Variants in RBPJ observed in about 807,000 individuals in gnomAD.
RBPJ encodes the protein recombining binding protein suppressor of hairless.
RBPJ carries 9 observed loss-of-function variants against 67.8 expected under a neutral mutation model. That is an observed-to-expected ratio of 0.13 (90% CI 0.08 to 0.23). The LOEUF (loss-of-function observed/expected upper bound fraction) is 0.23. RBPJ is among the 10% of genes least tolerant of loss of function. The pLI, the probability that RBPJ is intolerant of heterozygous loss-of-function variation, is 1.00. For missense variants in RBPJ, 305 were observed against 595.6 expected, an observed-to-expected ratio of 0.51 and a Z score of 5.08; for synonymous variants, 198 against 203.3, an observed-to-expected ratio of 0.97 and a Z score of 0.22.
chr4:26,387,355 A>G (rs1234618618), intron 2 of RBPJ, among the ~76,000 whole-genome samples: 1 of 152,178 alleles, frequency 6.6e-6, no homozygotes, highest in Non-Finnish European at 1.5e-5. Context: ...TGTATAATAA[A>G]ACAACAGCTT....
intron 1 of RBPJ, among the ~76,000 whole-genome samples, chr4:26,205,826 C>T (rs935921834): frequency 6.6e-6 from 1 of 151,876 alleles, no homozygotes. Context: ...CTCCTGACCT[C>T]AAGTGATCTG....
At chr4:26,122,919 A>G in the RBPJ span, among the ~76,000 whole-genome samples, 1 of 152,224 alleles carries the variant, frequency 6.6e-6, no homozygotes, top group African/African-American at 2.4e-5. Flanking sequence ...AGATTTGGCC[A>G]TAGTCGGCCG....
intron 1 of RBPJ, among the ~76,000 whole-genome samples, chr4:26,361,592 A>G (rs1040523328): frequency 1.3e-5 from 2 of 151,994 alleles, no homozygotes; most frequent in African/African-American, 4.8e-5. Context: ...GCTTGCGTGT[A>G]TTAAAAATTT....
chr4:26,213,060 A>G (rs1031359692), intron 1 of RBPJ, among the ~76,000 whole-genome samples: 1 of 152,176 alleles, frequency 6.6e-6, no homozygotes, highest in Admixed American at 6.5e-5. Context: ...TATCCTTTAA[A>G]ATGTCCTTTA....
chr4:26,173,764 G>A (rs1195841793), intron 1 of RBPJ, among the ~76,000 whole-genome samples: 1 of 152,214 alleles, frequency 6.6e-6, no homozygotes, highest in East Asian at 1.9e-4. Context: ...AATACAACAT[G>A]TGTATACTCT....
intron 1 of RBPJ, among the ~76,000 whole-genome samples, chr4:26,218,689 G>A (rs1006523174): frequency 2.0e-5 from 3 of 152,186 alleles, no homozygotes; most frequent in African/African-American, 7.2e-5. Context: ...CCTCGCCACT[G>A]TGGTCCCCAG....
In RBPJ at chr4:26,430,576, G is replaced by A; in HGVS notation, c.1148+54G>A. 1 of 1,529,650 alleles carries A rather than the reference G, an allele frequency of 6.5e-7. No individual in the cohort carries two copies. The highest frequency in any genetic ancestry group is 8.9e-7 in the Non-Finnish European group (1 of 1,120,474). 94.8% of individuals were successfully genotyped at this position (1,529,650 alleles called of 1,614,324 possible). A position where few individuals can be genotyped will look rare whatever the true frequency, so the allele number is the denominator to read the frequency against. On this transcript the variant is annotated intron_variant, in intron 10 of 10. Transcript: ENST00000355476. The surrounding 1 kb of genome is among the most constrained non-coding windows in gnomAD (Gnocchi z 4.1). ...AGAGGTTGTGAGGGGTGTGGGTACA[G>A]GAGATTCTTTCCTGGCACTGATTGT...
the RBPJ span, among the ~76,000 whole-genome samples, chr4:26,125,585 G>A: frequency 2.0e-5 from 3 of 152,098 alleles, no homozygotes; most frequent in African/African-American, 7.2e-5. Flanking sequence ...GATCACTTGA[G>A]GTCAGGAGTT....
At position 26,429,361 on chromosome 4, in the gene RBPJ, T is replaced by C. The variant is rs141251824; in HGVS notation, c.888+501T>C. Among the ~76,000 whole-genome samples the C allele has an allele frequency of 3.2e-3, 486 of 152,366 alleles. 2 individuals are homozygous for C. Among genetic ancestry groups the C allele is most frequent in the Non-Finnish European group, 5.4e-3 (370 of 68,028 alleles). ...GGCAGATGATTTAATAAGACAGTTA[T>C]GGTTTCATGTGAAACTCCTTTGCAG... On this transcript the variant is annotated intron_variant, in intron 8 of 10. Coordinates refer to ENST00000355476, the MANE Select transcript of RBPJ (RefSeq NM_015874.6).
chr4:26,110,844 G>A, the RBPJ span, among the ~76,000 whole-genome samples: 1,445 of 152,274 alleles, frequency 9.5e-3, 26 homozygotes, highest in African/African-American at 0.033. This position sits in a 1 kb window ranked among gnomAD's most constrained non-coding sequence, Gnocchi z 4.5. Context: ...GTGGAGGGCC[G>A]GCATCAGCTG....
At chr4:26,387,159 A>G (rs1038533634) in intron 2 of RBPJ, among the ~76,000 whole-genome samples, 1 of 152,108 alleles carries the variant, frequency 6.6e-6, no homozygotes, top group African/African-American at 2.4e-5. Context: ...CATAGCTTTC[A>G]TACCACTTTT....
Position 26,430,026 on chromosome 4 carries a change from T to C in RBPJ, c.1017T>C (p.Thr339=), listed in dbSNP as rs115876934. 5.0e-6 allele frequency: 8 copies of C among 1,613,984 alleles called. No individual in the cohort carries two copies. Among genetic ancestry groups the C allele is most frequent in the Non-Finnish European group, 6.8e-6 (8 of 1,179,998 alleles). The change falls in exon 9 of 11, where the codon ACT becomes ACC. Residue 339 remains threonine (T), a synonymous_variant. Coordinates refer to ENST00000355476, the MANE Select transcript of RBPJ (RefSeq NM_015874.6). This position sits in a 1 kb window ranked among gnomAD's most constrained non-coding sequence, Gnocchi z 4.1. ...TGGGCCCTGTCCTTGCCCCAGTCAC[T>C]CCTGTGCCTGTGGTAGAGAGCCTTC... ...EGMGPVLAPV[T]PVPVVESLQL... is the part of the protein sequence containing the mutation.
At chr4:26,217,140 A>T (rs1221885004) in intron 1 of RBPJ, among the ~76,000 whole-genome samples, 1 of 152,164 alleles carries the variant, frequency 6.6e-6, no homozygotes, top group Non-Finnish European at 1.5e-5. Context: ...ATGTTACTGA[A>T]CCTTGTCTCT....
At chr4:26,200,552 TC>T (rs1717946495) in intron 1 of RBPJ, among the ~76,000 whole-genome samples, 1 of 151,996 alleles carries the variant, frequency 6.6e-6, no homozygotes, top group Non-Finnish European at 1.5e-5. Context: ...ATACCTGTGG[TC>T]CCAGCTACTT....
At chr4:26,107,987 A>G in the RBPJ span, among the ~76,000 whole-genome samples, 6 of 152,170 alleles carry the variant, frequency 3.9e-5, no homozygotes, top group Admixed American at 1.3e-4. Flanking sequence ...CTCTTCCCCA[A>G]CAGCTAACCT....
chr4:26,386,525 A>T (rs755612092), intron 2 of RBPJ, 134 bp downstream of exon 2: 3 of 585,514 alleles, frequency 5.1e-6, no homozygotes, highest in Admixed American at 3.6e-5. Context: ...CTTATTCTCA[A>T]ACTTCCTTTC....
At chr4:26,246,392 A>G (rs1302556727) in intron 1 of RBPJ, among the ~76,000 whole-genome samples, 3 of 152,172 alleles carry the variant, frequency 2.0e-5, no homozygotes, top group East Asian at 3.8e-4. Context: ...TGACTTTGGT[A>G]TATTGATCCC....
chr4:26,122,338 C>T, the RBPJ span, among the ~76,000 whole-genome samples: 2 of 152,138 alleles, frequency 1.3e-5, no homozygotes, highest in African/African-American at 4.8e-5. Flanking sequence ...ATTTGGGTTA[C>T]AAGGAACCAA....
At chr4:26,164,454 T>C (rs1716188968) in intron 1 of RBPJ, among the ~76,000 whole-genome samples, 1 of 152,200 alleles carries the variant, frequency 6.6e-6, no homozygotes, top group Non-Finnish European at 1.5e-5. Context: ...GGCCAAGGAA[T>C]GGAGTTATGA....
Sources: gnomAD v4.1 joint callset for allele counts (sites outside exome capture counted in the v4.1 genomes callset) on GRCh38, gnomAD v4.1.1 for gene constraint, Gnocchi (gnomAD v3.1) non-coding constraint, MANE v1.5 for transcripts, NCBI Gene and HGNC (gene_info 2026-07-23, HGNC 2026-07-21) for gene names.